Variants in STK3 observed in about 807,000 individuals in gnomAD.
The protein encoded by STK3 is serine/threonine-protein kinase 3.
A neutral mutation model predicts 58.0 loss-of-function variants in STK3; 41 were observed. That is an observed-to-expected ratio of 0.71 (90% confidence interval 0.55 to 0.92). The LOEUF (loss-of-function observed/expected upper bound fraction) is 0.92. STK3 is among the 40% of genes least tolerant of loss of function. The probability of loss-of-function intolerance (pLI) is 0.00; values close to 1 mark genes in which losing one functional copy is unlikely to be tolerated. For synonymous variants in STK3, 170 were observed against 191.0 expected (o/e 0.89, Z 0.91); for missense variants, 479 against 602.7 (o/e 0.79, Z 2.15).
intron 3 of STK3, among the ~76,000 whole-genome samples, chr8:98,409,383 C>T (rs191526114): frequency 6.6e-5 from 10 of 152,322 alleles, no homozygotes; most frequent in Admixed American, 2.6e-4. Context: ...TCTGTCTGCA[C>T]GAGGAGCCCG....
chr8:98,547,306 A>G (rs1810776555), intron 9 of STK3, among the ~76,000 whole-genome samples: 1 of 152,210 alleles, frequency 6.6e-6, no homozygotes, highest in African/African-American at 2.4e-5. Context: ...TGTTAACTGC[A>G]GTATCTTAAA....
chr8:98,762,753 G>C (rs944321737), intron 3 of STK3, among the ~76,000 whole-genome samples: 1 of 152,214 alleles, frequency 6.6e-6, no homozygotes, highest in African/African-American at 2.4e-5. Context: ...GACTATGTCA[G>C]TTGTGATTAC....
intron 4 of STK3, among the ~76,000 whole-genome samples, chr8:98,738,662 C>T (rs1032582648): frequency 5.3e-5 from 8 of 152,156 alleles, no homozygotes; most frequent in East Asian, 3.9e-4. Flanking sequence ...GCGTGAGCGA[C>T]GCAGAAGACG....
intron 1 of STK3, among the ~76,000 whole-genome samples, chr8:98,895,368 C>T (rs1838406432): frequency 6.6e-6 from 1 of 152,112 alleles, no homozygotes; most frequent in Non-Finnish European, 1.5e-5. Flanking sequence ...CACCCATCCC[C>T]CTTATTTCTT....
In STK3 at chr8:98,630,773, AGAAGAG is replaced by A. The variant is rs202064178; in HGVS notation, c.685-34610_685-34605del. ...AAGGAGAAGGAGAAGAACAAGAAGA[AGAAGAG>A]GAAGAGGAAGAGGAAGAAGAGGAAG... On this transcript the variant is annotated intron_variant, in intron 6 of 10. Coordinates refer to ENST00000419617, the MANE Select transcript of STK3 (RefSeq NM_006281.4). Among the ~76,000 whole-genome samples, 1,236 of 151,736 alleles carry A rather than the reference AGAAGAG, an allele frequency of 8.1e-3. 13 individuals carry two copies. The highest frequency in any genetic ancestry group is 0.016 in the African/African-American group (667 of 41,222).
intron 1 of STK3, among the ~76,000 whole-genome samples, chr8:98,443,897 G>A (rs146815835): frequency 1.8e-4 from 28 of 152,304 alleles, no homozygotes; most frequent in African/African-American, 6.3e-4. Context: ...AAACCAGGGC[G>A]ACAGAGCAAG....
chr8:98,777,346 C>T (rs117030418), intron 1 of STK3, among the ~76,000 whole-genome samples: 8 of 151,960 alleles, frequency 5.3e-5, no homozygotes, highest in Admixed American at 2.0e-4. Context: ...GGGCAAACGG[C>T]GGAACCCTGT....
Position 98,800,741 on chromosome 8 carries a change from T to A in STK3, c.26+24774A>T, listed in dbSNP as rs1334748303. 1.3e-5 allele frequency among the ~76,000 whole-genome samples: 2 copies of A among 152,192 alleles called. No individual in the cohort carries two copies. Among genetic ancestry groups the A allele is most frequent in the African/African-American group, 4.8e-5 (2 of 41,448 alleles). On this transcript the variant is annotated intron_variant, in intron 1 of 10. Coordinates refer to ENST00000419617, the MANE Select transcript of STK3 (RefSeq NM_006281.4). This position sits in a 1 kb window ranked among gnomAD's most constrained non-coding sequence, Gnocchi z 4.8. ...AGGGCTTAGCACCCGGGCCAGCAGC[T>A]GCGGAAGGGGCACCGGGTACCCCAG...
chr8:98,709,761 C>T (rs1826250811), intron 4 of STK3, among the ~76,000 whole-genome samples: 1 of 152,088 alleles, frequency 6.6e-6, no homozygotes, highest in Admixed American at 6.5e-5. Flanking sequence ...AAACACACAA[C>T]TAATATGAAT....
At chr8:98,584,238 T>C (rs1443227348) in intron 7 of STK3, among the ~76,000 whole-genome samples, 1 of 151,904 alleles carries the variant, frequency 6.6e-6, no homozygotes, top group Non-Finnish European at 1.5e-5. Context: ...CCTAATGCTA[T>C]CCCTCCCCCT....
chr8:98,344,892 C>CAA, the STK3 span, among the ~76,000 whole-genome samples: 5,504 of 47,344 alleles, frequency 0.12, 859 homozygotes, highest in Non-Finnish European at 0.16. Context: ...GACTCCGTCT[C>CAA]AAAAAAAAAA....
chr8:98,459,253 C>A (rs1819746423), intron 10 of STK3, among the ~76,000 whole-genome samples: 2 of 152,188 alleles, frequency 1.3e-5, no homozygotes, highest in Non-Finnish European at 2.9e-5. Context: ...TTTGCCCCTG[C>A]CCTAGAGATC....
chr8:98,911,600 G>A (rs1038249622), intron 1 of STK3, among the ~76,000 whole-genome samples: 2 of 151,950 alleles, frequency 1.3e-5, no homozygotes, highest in African/African-American at 4.8e-5. Context: ...CATCGTGTTG[G>A]CCAGGCTGGT....
At chr8:98,714,112 T>C (rs551372002) in intron 4 of STK3, among the ~76,000 whole-genome samples, 67 of 152,262 alleles carry the variant, frequency 4.4e-4, no homozygotes, top group African/African-American at 1.4e-3. Context: ...ATAAATTAGG[T>C]ATTGATGGGA....
intron 1 of STK3, among the ~76,000 whole-genome samples, chr8:98,797,828 G>A (rs762054633): frequency 6.6e-6 from 1 of 152,134 alleles, no homozygotes; most frequent in African/African-American, 2.4e-5. Flanking sequence ...CATTTTCCAG[G>A]CAGATGCCAC....
intron 10 of STK3, among the ~76,000 whole-genome samples, chr8:98,464,980 G>GT (rs1483489762): frequency 3.9e-5 from 6 of 152,152 alleles, no homozygotes; most frequent in African/African-American, 1.4e-4. Flanking sequence ...TGTTTTGGCT[G>GT]TTTAACTTCA....
chr8:98,942,223 G>A (rs964002643), intron 1 of STK3, among the ~76,000 whole-genome samples: 1 of 152,258 alleles, frequency 6.6e-6, no homozygotes, highest in Admixed American at 6.5e-5. Flanking sequence ...GGCCCAGGAG[G>A]GCCCGCGGAC....
At chr8:98,615,099 C>T (rs1001824294) in intron 6 of STK3, among the ~76,000 whole-genome samples, 43 of 151,774 alleles carry the variant, frequency 2.8e-4, no homozygotes, top group East Asian at 1.2e-3. Flanking sequence ...TCTCCCAGCA[C>T]GCAGCTGGAG....
chr8:98,868,260 G>GA (rs1265659647), intron 3 of STK3, among the ~76,000 whole-genome samples: 1 of 152,246 alleles, frequency 6.6e-6, no homozygotes, highest in African/African-American at 2.4e-5. Context: ...GACAGTGCAT[G>GA]AGTGGAAGCT....
Sources: allele counts gnomAD v4.1 joint callset (sites outside exome capture counted in the v4.1 genomes callset), GRCh38; gene constraint gnomAD v4.1.1; non-coding constraint Gnocchi (gnomAD v3.1); transcripts MANE v1.5; gene names NCBI Gene and HGNC (gene_info 2026-07-23, HGNC 2026-07-21).